Variants in PHACTR1 observed in about 807,000 individuals in gnomAD.
PHACTR1 encodes phosphatase and actin regulator 1.
A neutral mutation model predicts 69.2 loss-of-function variants in PHACTR1; 16 were observed. That is an observed-to-expected ratio of 0.23 (90% CI 0.16 to 0.35). The LOEUF (loss-of-function observed/expected upper bound fraction) is 0.35, where lower values mean the gene tolerates loss of function less well. Among genes scored for constraint, PHACTR1 ranks in the 10% least tolerant of loss-of-function variants. The pLI is 1.00. For synonymous variants in PHACTR1, 312 were observed against 284.5 expected, an observed-to-expected ratio of 1.10 and a Z score of -0.97; for missense variants, 510 against 734.7, an observed-to-expected ratio of 0.69 and a Z score of 3.54.
At chr6:12,748,457 A>G (rs556948345) in intron 3 of PHACTR1, among the ~76,000 whole-genome samples, 43 of 152,188 alleles carry the variant, frequency 2.8e-4, no homozygotes, top group Admixed American at 5.2e-4. Flanking sequence ...CACTTATTAG[A>G]TAGAAGAGTG....
chr6:13,019,205 G>T (rs1800631769), intron 4 of PHACTR1, among the ~76,000 whole-genome samples: 1 of 152,002 alleles, frequency 6.6e-6, no homozygotes, highest in African/African-American at 2.4e-5. Flanking sequence ...GAGCCGCAGT[G>T]CCTGGCCCAA....
intron 3 of PHACTR1, among the ~76,000 whole-genome samples, chr6:12,740,310 C>T (rs988309): frequency 6.6e-6 from 1 of 151,806 alleles, no homozygotes; most frequent in Admixed American, 6.6e-5. Context: ...GTATGTTTAC[C>T]CATGTTTATG....
rs539092808 is a variant in PHACTR1, at chr6:12,731,195, C to A, written c.103+12348C>A. On this transcript the variant is annotated intron_variant, in intron 3 of 14. Coordinates refer to ENST00000332995, the MANE Select transcript of PHACTR1 (RefSeq NM_030948.6). ...CATGCCTGGCTAATTTTTGTATTTT[C>A]AGTAGAGATGGGGTTTCACCATGTT... is the stretch of plus-strand genomic sequence containing the variant. Among the ~76,000 whole-genome samples, 32 of 151,640 alleles carry A rather than the reference C, an allele frequency of 2.1e-4. 1 individual carries two copies. The highest frequency in any genetic ancestry group is 8.5e-4 in the Admixed American group (13 of 15,208).
intron 4 of PHACTR1, among the ~76,000 whole-genome samples, chr6:13,007,908 C>T (rs1028236591): frequency 1.3e-5 from 2 of 152,068 alleles, no homozygotes; most frequent in Non-Finnish European, 2.9e-5. Context: ...CAGAGCAATC[C>T]CCTTAGTAAG....
At chr6:13,104,064 A>G (rs913821643) in intron 5 of PHACTR1, among the ~76,000 whole-genome samples, 11 of 152,224 alleles carry the variant, frequency 7.2e-5, no homozygotes, top group African/African-American at 2.7e-4. Flanking sequence ...AGCCTGGGCA[A>G]CAGAGTTGAG....
intron 4 of PHACTR1, among the ~76,000 whole-genome samples, chr6:13,014,488 C>G (rs1390713390): frequency 6.6e-6 from 1 of 152,196 alleles, no homozygotes; most frequent in African/African-American, 2.4e-5. Flanking sequence ...CCATGGGCTT[C>G]TTAACTGTTG....
intron 4 of PHACTR1, among the ~76,000 whole-genome samples, chr6:12,815,845 A>G (rs1164372668): frequency 3.3e-5 from 5 of 152,216 alleles, no homozygotes; most frequent in African/African-American, 4.8e-5. Flanking sequence ...TTTTCATGAA[A>G]AAAAGTCCTT....
chr6:13,105,896 A>G (rs1454908332), intron 5 of PHACTR1, among the ~76,000 whole-genome samples: 1 of 152,172 alleles, frequency 6.6e-6, no homozygotes, highest in Non-Finnish European at 1.5e-5. Context: ...GGTAACAGGG[A>G]GTGGGCTGAT....
At chr6:12,951,788 G>A (rs1378886218) in intron 4 of PHACTR1, among the ~76,000 whole-genome samples, 3 of 152,206 alleles carry the variant, frequency 2.0e-5, no homozygotes, top group Non-Finnish European at 4.4e-5. Context: ...ATAGTTTTCT[G>A]TTGACATTGA....
intron 4 of PHACTR1, among the ~76,000 whole-genome samples, chr6:12,901,783 A>C (rs184238914): frequency 1.9e-4 from 29 of 152,294 alleles, no homozygotes; most frequent in Non-Finnish European, 3.7e-4. Context: ...GGGGTGAGCC[A>C]CCGCACCTGG....
chr6:12,733,672 A>T (rs1171753922), intron 3 of PHACTR1, among the ~76,000 whole-genome samples: 3 of 152,220 alleles, frequency 2.0e-5, no homozygotes, highest in African/African-American at 4.8e-5. Context: ...ATAGGATTAA[A>T]GCCCCTGCAG....
At chr6:13,094,000 T>C (rs1813719399) in intron 5 of PHACTR1, among the ~76,000 whole-genome samples, 8 of 152,110 alleles carry the variant, frequency 5.3e-5, no homozygotes, top group Admixed American at 5.2e-4. Flanking sequence ...GGCTCCCAAG[T>C]AGCTGGGGCC....
At chr6:13,263,258 T>G (rs1776159046) in intron 10 of PHACTR1, among the ~76,000 whole-genome samples, 2 of 104,012 alleles carry the variant, frequency 1.9e-5, no homozygotes, top group Admixed American at 2.2e-4. Flanking sequence ...TTTTTTTTTT[T>G]TTTCAGTCTT....
chr6:12,717,989 G>C (rs1302278846), intron 2 of PHACTR1, among the ~76,000 whole-genome samples: 1 of 151,992 alleles, frequency 6.6e-6, no homozygotes, highest in Admixed American at 6.5e-5. Flanking sequence ...AACCCAACAG[G>C]CTGAATGTTT....
chr6:13,030,594 C>T (rs886874797), intron 4 of PHACTR1, among the ~76,000 whole-genome samples: 1 of 152,184 alleles, frequency 6.6e-6, no homozygotes, highest in African/African-American at 2.4e-5. Context: ...ATCCATTGCT[C>T]ATAAACTAGG....
At chr6:12,888,374 AAT>A (rs1403954170) in intron 4 of PHACTR1, among the ~76,000 whole-genome samples, 1 of 152,132 alleles carries the variant, frequency 6.6e-6, no homozygotes, top group East Asian at 1.9e-4. Context: ...AACACTGAGA[AAT>A]ATATTTATAT....
intron 8 of PHACTR1, 52 bp downstream of exon 8, chr6:13,206,188 G>T: frequency 6.8e-7 from 1 of 1,460,434 alleles, no homozygotes; most frequent in Non-Finnish European, 9.2e-7. Flanking sequence ...TGGCTGGGGA[G>T]GGGGGCCTAG....
intron 4 of PHACTR1, among the ~76,000 whole-genome samples, chr6:12,825,696 T>C (rs948608519): frequency 4.6e-5 from 7 of 152,134 alleles, no homozygotes; most frequent in African/African-American, 9.7e-5. Context: ...CATTCTCCTA[T>C]GCAATTTCTT....
intron 4 of PHACTR1, among the ~76,000 whole-genome samples, chr6:12,832,833 G>A (rs1777735699): frequency 6.6e-6 from 1 of 152,044 alleles, no homozygotes; most frequent in Admixed American, 6.6e-5. Flanking sequence ...ATAGACACGG[G>A]GTGTGGAATA....
Sources: allele counts gnomAD v4.1 joint callset (sites outside exome capture counted in the v4.1 genomes callset), GRCh38; gene constraint gnomAD v4.1.1; transcripts MANE v1.5; gene names NCBI Gene and HGNC (gene_info 2026-07-23, HGNC 2026-07-21).